Variants in NHS observed in about 807,000 individuals in gnomAD.
NHS encodes actin remodeling regulator NHS.
In NHS, 5 loss-of-function variants were observed where a neutral mutation model predicts 72.5. That is an observed-to-expected ratio of 0.07 (90% confidence interval 0.04 to 0.14). The LOEUF (loss-of-function observed/expected upper bound fraction) is 0.14. Among genes scored for constraint, NHS ranks in the 10% least tolerant of loss-of-function variants. The pLI, the probability that NHS is intolerant of heterozygous loss-of-function variation, is 1.00. For missense variants in NHS, 1,072 were observed against 1,355.7 expected, an observed-to-expected ratio of 0.79 and a Z score of 3.29; for synonymous variants, 464 against 547.7, an observed-to-expected ratio of 0.85 and a Z score of 2.13.
chrX:17,407,200 TA>T lies in NHS; in HGVS notation c.565+30881del, dbSNP rs377203709. Reference sequence around the variant, plus strand: ...TTTCTGTATTAAAAGATTAATGTAGTAAATCCAGAGTTACAGGGAGATTGTG... The same window carrying T: ...TTTCTGTATTAAAAGATTAATGTAGTAATCCAGAGTTACAGGGAGATTGTG... On this transcript the variant is annotated intron_variant, in intron 1 of 8. Coordinates refer to ENST00000676302, the MANE Select transcript of NHS (RefSeq NM_001291867.2). Among the ~76,000 whole-genome samples, 170 of 112,241 alleles carry T rather than the reference TA, an allele frequency of 1.5e-3. 1 individual carries two copies. The highest frequency in any genetic ancestry group is 2.6e-3 in the Non-Finnish European group (140 of 53,260).
intron 1 of NHS, among the ~76,000 whole-genome samples, chrX:17,592,380 A>C (rs188863883): frequency 1.3e-3 from 150 of 112,090 alleles, no homozygotes; most frequent in Middle Eastern, 9.2e-3. Context: ...AGATTAGTGG[A>C]AACTTACCCC....
At chrX:17,544,418 G>A (rs1170740673) in intron 1 of NHS, among the ~76,000 whole-genome samples, 1 of 111,950 alleles carries the variant, frequency 8.9e-6, no homozygotes, top group Admixed American at 9.4e-5. Flanking sequence ...ATGGTGCAAT[G>A]GTACGACTAT....
At chrX:17,428,681 C>T (rs2064669566) in intron 1 of NHS, among the ~76,000 whole-genome samples, 1 of 111,734 alleles carries the variant, frequency 8.9e-6, no homozygotes, top group Admixed American at 9.4e-5. Flanking sequence ...TTAAAGCTAT[C>T]CATATACCTA....
chrX:17,655,722 C>T (rs1429958431), intron 1 of NHS, among the ~76,000 whole-genome samples: 1 of 112,794 alleles, frequency 8.9e-6, no homozygotes, highest in Admixed American at 9.3e-5. Flanking sequence ...TCGATCCCAG[C>T]GTGGCCCCAG....
chrX:17,579,824 C>T (rs1470256732), intron 1 of NHS, among the ~76,000 whole-genome samples: 1 of 111,142 alleles, frequency 9.0e-6, no homozygotes, highest in Non-Finnish European at 1.9e-5. Flanking sequence ...ATTCAACACC[C>T]ACTCCACCCT....
intron 1 of NHS, among the ~76,000 whole-genome samples, chrX:17,534,123 C>CAT (rs1257361003): frequency 1.5e-5 from 1 of 65,757 alleles, no homozygotes; most frequent in Non-Finnish European, 2.8e-5. Flanking sequence ...TGTGTGTGTG[C>CAT]ATACACACGT....
chrX:17,541,707 T>C (rs749236626), intron 1 of NHS, among the ~76,000 whole-genome samples: 2 of 107,069 alleles, frequency 1.9e-5, no homozygotes, highest in Admixed American at 1.0e-4. Context: ...CAGCTCATCT[T>C]TGGACTATTG....
chrX:17,605,876 A>G (rs752870660), intron 1 of NHS, among the ~76,000 whole-genome samples: 1 of 111,886 alleles, frequency 8.9e-6, no homozygotes, highest in South Asian at 3.8e-4. Context: ...TGCCCTGGAA[A>G]CGTGGTGAAG....
chrX:17,420,471 C>T (rs1163829147), intron 1 of NHS, among the ~76,000 whole-genome samples: 3 of 111,044 alleles, frequency 2.7e-5, no homozygotes, highest in East Asian at 2.8e-4. Context: ...TGTACCCATC[C>T]ACCCATCTAT....
intron 1 of NHS, among the ~76,000 whole-genome samples, chrX:17,386,849 C>A (rs1174425781): frequency 9.0e-6 from 1 of 111,023 alleles, no homozygotes; most frequent in Non-Finnish European, 1.9e-5. Context: ...GTGTTTTGAA[C>A]TTAAATTTCA....
chrX:17,525,852 A>T (rs755256201), intron 1 of NHS, among the ~76,000 whole-genome samples: 1 of 111,047 alleles, frequency 9.0e-6, no homozygotes, highest in East Asian at 2.8e-4. Flanking sequence ...TGGTTGTTAC[A>T]GTTGCCATTA....
At chrX:17,584,554 G>A (rs779892801) in intron 1 of NHS, among the ~76,000 whole-genome samples, 12 of 112,464 alleles carry the variant, frequency 1.1e-4, no homozygotes, top group Non-Finnish European at 2.1e-4. Flanking sequence ...ATTTTATTCA[G>A]CTACTCTGTT....
At chrX:17,683,770 C>G (rs961345676) in intron 1 of NHS, among the ~76,000 whole-genome samples, 5 of 111,921 alleles carry the variant, frequency 4.5e-5, no homozygotes, top group African/African-American at 1.6e-4. Flanking sequence ...GCCTTATTTC[C>G]TGTTGTAACC....
In NHS at chrX:17,508,841, G is replaced by T. The variant is rs150527703; in HGVS notation, c.565+132519G>T. 8.7e-3 allele frequency among the ~76,000 whole-genome samples: 973 copies of T among 112,219 alleles called. 15 individuals are homozygous for T. Among genetic ancestry groups the T allele is most frequent in the African/African-American group, 0.03 (916 of 30,847 alleles). On this transcript the variant is annotated intron_variant, in intron 1 of 8. Coordinates refer to ENST00000676302, the MANE Select transcript of NHS (RefSeq NM_001291867.2). ...CTACCTTTTGGCTATTGTGAATAGT[G>T]CCATGTGAACATTTGTGTGTGTATT...
At chrX:17,613,631 T>C (rs1218238335) in intron 1 of NHS, among the ~76,000 whole-genome samples, 2 of 111,655 alleles carry the variant, frequency 1.8e-5, no homozygotes, top group African/African-American at 6.5e-5. Context: ...GGCATCTGAA[T>C]TCAACCCAGG....
In NHS at chrX:17,389,177, A is replaced by G. The variant is rs1013487879; in HGVS notation, c.565+12855A>G. Among the ~76,000 whole-genome samples the G allele has an allele frequency of 2.7e-5, 3 of 112,247 alleles. No homozygotes were observed. In the South Asian group the frequency reaches 1.1e-3, roughly 42 times the overall value. The stretch of plus-strand genomic sequence containing the variant: ...CATGCAGTGAAATGTACAGATCTTG[A>G]TGAGTTTTAACAGCTGTATCCACCT... On this transcript the variant is annotated intron_variant, in intron 1 of 8. Transcript: ENST00000676302.
chrX:17,650,003 T>TAAGC (rs2065923389), intron 1 of NHS, among the ~76,000 whole-genome samples: 1 of 111,828 alleles, frequency 8.9e-6, no homozygotes, highest in South Asian at 3.8e-4. Flanking sequence ...TCCAGGGAAG[T>TAAGC]AAGCCTTGGA....
intron 1 of NHS, among the ~76,000 whole-genome samples, chrX:17,469,554 G>A (rs1490331075): frequency 9.0e-6 from 1 of 111,623 alleles, no homozygotes; most frequent in Non-Finnish European, 1.9e-5. Context: ...GGGGCTCTGG[G>A]GCTCTGCTTC....
intron 1 of NHS, among the ~76,000 whole-genome samples, chrX:17,430,284 TTTC>T (rs1366171176): frequency 4.0e-4 from 33 of 82,264 alleles, no homozygotes; most frequent in African/African-American, 1.6e-3. Flanking sequence ...TCTTTCTTTC[TTTC>T]TTTCTTTCTT....
Sources: gnomAD v4.1 joint callset for allele counts (sites outside exome capture counted in the v4.1 genomes callset) on GRCh38, gnomAD v4.1.1 for gene constraint, MANE v1.5 for transcripts, NCBI Gene and HGNC (gene_info 2026-07-23, HGNC 2026-07-21) for gene names.